FHIT: variants seen among roughly 807,000 people sequenced by gnomAD.
The protein encoded by FHIT is fragile histidine triad diadenosine triphosphatase, also known as bis(5'-adenosyl)-triphosphatase.
Under a neutral mutation model 17.9 loss-of-function variants are expected in FHIT, and 19 were observed. The observed-to-expected ratio is 1.06, with a 90% CI of 0.74 to 1.56. The LOEUF (loss-of-function observed/expected upper bound fraction) is 1.56, where lower values mean the gene tolerates loss of function less well. FHIT is among the 40% of genes most tolerant of loss of function. FHIT has a pLI of 0.00. For missense variants in FHIT, 248 were observed against 189.2 expected (o/e 1.31, Z -1.82); for synonymous variants, 81 against 69.7 (o/e 1.16, Z -0.81).
chr3:60,328,968 G>T (rs1030741498), intron 5 of FHIT, among the ~76,000 whole-genome samples: 1 of 152,162 alleles, frequency 6.6e-6, no homozygotes, highest in African/African-American at 2.4e-5. Context: ...ATACACAATA[G>T]AAGAATCCAT....
chr3:60,378,700 T>C (rs1050152993), intron 5 of FHIT, among the ~76,000 whole-genome samples: 5 of 152,234 alleles, frequency 3.3e-5, no homozygotes, highest in African/African-American at 1.2e-4. Context: ...GGGTGTGACA[T>C]TTTGCTTTTT....
intron 5 of FHIT, among the ~76,000 whole-genome samples, chr3:60,086,947 T>C (rs1037444656): frequency 1.2e-4 from 18 of 152,334 alleles, no homozygotes; most frequent in African/African-American, 3.8e-4. Flanking sequence ...GATTCTGTGG[T>C]GGCTGCACCT....
intron 8 of FHIT, among the ~76,000 whole-genome samples, chr3:59,875,077 A>T (rs1447189592): frequency 6.6e-6 from 1 of 152,190 alleles, no homozygotes; most frequent in African/African-American, 2.4e-5. Flanking sequence ...TGGAGATAGG[A>T]GGTGCATCCA....
chr3:60,520,753 C>T (rs1429365441), intron 5 of FHIT, among the ~76,000 whole-genome samples: 2 of 151,958 alleles, frequency 1.3e-5, no homozygotes, highest in African/African-American at 4.8e-5. Context: ...AGAGTAACTC[C>T]CATTATGGTT....
At chr3:60,357,104 C>T (rs1699700801) in intron 5 of FHIT, among the ~76,000 whole-genome samples, 1 of 152,160 alleles carries the variant, frequency 6.6e-6, no homozygotes, top group Admixed American at 6.6e-5. Context: ...ATGTTTTGAT[C>T]TGTCTAAAAT....
chr3:59,880,934 C>T (rs1247458186), intron 8 of FHIT, among the ~76,000 whole-genome samples: 2 of 152,042 alleles, frequency 1.3e-5, no homozygotes, highest in African/African-American at 2.4e-5. Flanking sequence ...TTGAGCAATG[C>T]CAATAAATAC....
At chr3:59,774,737 A>T (rs192656387) in intron 8 of FHIT, among the ~76,000 whole-genome samples, 2 of 152,308 alleles carry the variant, frequency 1.3e-5, no homozygotes, top group Admixed American at 1.3e-4. Context: ...CTGTTTAAGC[A>T]CAGTTAAACA....
rs144356969 is a variant in FHIT at position 60,701,483 on chromosome 3, G to T, written c.-18+120436C>A. ...AATGTGGTGGATAGGGGGTCGGAAA[G>T]GGGGGAGTGCTGATTGGTTGGGTGG... On this transcript the variant is annotated intron_variant, in intron 4 of 9. Coordinates refer to ENST00000492590, the MANE Select transcript of FHIT (RefSeq NM_002012.4). Among the ~76,000 whole-genome samples the T allele has an allele frequency of 5.9e-3, 901 of 152,254 alleles. 10 individuals carry two copies. Among genetic ancestry groups the T allele is most frequent in the African/African-American group, 0.02 (836 of 41,556 alleles).
At chr3:59,825,604 G>T (rs900432303) in intron 8 of FHIT, among the ~76,000 whole-genome samples, 4 of 152,166 alleles carry the variant, frequency 2.6e-5, no homozygotes, top group Non-Finnish European at 5.9e-5. Flanking sequence ...AAATGCTCAG[G>T]CTATAAAACC....
intron 8 of FHIT, among the ~76,000 whole-genome samples, chr3:59,826,666 T>C (rs1330612204): frequency 2.0e-5 from 3 of 152,370 alleles, no homozygotes; most frequent in African/African-American, 7.2e-5. Context: ...GCGAGTCTCA[T>C]ACACGGGAGT....
At chr3:60,427,439 T>C (rs1267623768) in intron 5 of FHIT, among the ~76,000 whole-genome samples, 6 of 152,098 alleles carry the variant, frequency 3.9e-5, no homozygotes, top group Non-Finnish European at 1.5e-5. Flanking sequence ...GGACCCCAGC[T>C]AAAATATGCC....
chr3:60,450,737 A>G (rs1351929032), intron 5 of FHIT, among the ~76,000 whole-genome samples: 2 of 152,152 alleles, frequency 1.3e-5, no homozygotes, highest in African/African-American at 4.8e-5. Flanking sequence ...ATCATTTGAT[A>G]TAGAAAAGTT....
intron 4 of FHIT, among the ~76,000 whole-genome samples, chr3:60,629,249 G>A (rs1376938333): frequency 2.0e-5 from 3 of 152,146 alleles, no homozygotes; most frequent in East Asian, 1.9e-4. Context: ...TGCCCAGAGT[G>A]GAGGCTCCAT....
At chr3:59,957,014 T>A (rs1313864760) in intron 7 of FHIT, among the ~76,000 whole-genome samples, 1 of 152,218 alleles carries the variant, frequency 6.6e-6, no homozygotes, top group Non-Finnish European at 1.5e-5. Context: ...AATTACACTC[T>A]ACAGAACAGG....
intron 5 of FHIT, among the ~76,000 whole-genome samples, chr3:60,442,704 T>C (rs551437420): frequency 6.7e-4 from 102 of 152,272 alleles, no homozygotes; most frequent in Non-Finnish European, 1.1e-3. Context: ...AGTCAGGTAG[T>C]GTGATGCCTC....
At chr3:59,864,451 A>C (rs1382091236) in intron 8 of FHIT, among the ~76,000 whole-genome samples, 1 of 152,170 alleles carries the variant, frequency 6.6e-6, no homozygotes, top group East Asian at 1.9e-4. Context: ...AGTCCAATTA[A>C]ACCTCTTTTT....
chr3:60,491,261 A>AG (rs2034052302), intron 5 of FHIT, among the ~76,000 whole-genome samples: 1 of 152,194 alleles, frequency 6.6e-6, no homozygotes, highest in Non-Finnish European at 1.5e-5. Context: ...AATAGAGTCA[A>AG]CCAAACCGAT....
In FHIT at chr3:59,871,669, G is replaced by T. The variant is rs145304110; in HGVS notation, c.348+50677C>A. The stretch of plus-strand genomic sequence containing the variant: ...CTTGGAGGCTGTGTCTGGGTTCAGT[G>T]GGTAAAGAGTCTTTGAGAGATTAGC... On this transcript the variant is annotated intron_variant, in intron 8 of 9. Transcript: ENST00000492590. Among the ~76,000 whole-genome samples the T allele has an allele frequency of 2.0e-3, 302 of 152,278 alleles. 1 individual carries two copies. The highest frequency in any genetic ancestry group is 6.8e-3 in the African/African-American group (283 of 41,550).
intron 8 of FHIT, among the ~76,000 whole-genome samples, chr3:59,783,731 C>T (rs1702709428): frequency 6.6e-6 from 1 of 152,188 alleles, no homozygotes; most frequent in Admixed American, 6.5e-5. Flanking sequence ...TCCCCATCCA[C>T]AAACATCTCC....
Sources: allele counts gnomAD v4.1 joint callset (sites outside exome capture counted in the v4.1 genomes callset), GRCh38; gene constraint gnomAD v4.1.1; transcripts MANE v1.5; gene names NCBI Gene and HGNC (gene_info 2026-07-23, HGNC 2026-07-21).